The following SI variants were observed in gnomAD, a reference collection of about 807,000 sequenced individuals.
The protein encoded by SI is sucrase-isomaltase.
In SI, 235 loss-of-function variants were observed where a neutral mutation model predicts 253.3. The ratio of observed to expected loss-of-function variants is 0.93; its 90% CI spans 0.83 to 1.03. The LOEUF (loss-of-function observed/expected upper bound fraction) is 1.03. SI is among the 50% of genes least tolerant of loss of function. The pLI is 0.00. For missense variants in SI, 2,442 were observed against 2,211.1 expected, an observed-to-expected ratio of 1.10 and a Z score of -2.09; for synonymous variants, 819 against 712.0, an observed-to-expected ratio of 1.15 and a Z score of -2.39.
chr3:165,039,231 C>G, intron 19 of SI, 97 bp from the exon 20 acceptor site: 2 of 776,918 alleles, frequency 2.6e-6, no homozygotes, highest in Non-Finnish European at 4.4e-6. Flanking sequence ...GGGAAAAAAA[C>G]TTTATGTTGT....
chr3:165,074,673 G>A lies in SI; in HGVS notation c.119-6C>T, dbSNP rs769377667. ...TGAAGTAGAATCACTAATTTCTGGG[G>A]GAGGAAAAAACTCAATAAAATAAAA... On this transcript the variant is annotated splice_polypyrimidine_tract_variant and splice_region_variant and intron_variant, in intron 2 of 47. Coordinates refer to ENST00000264382, the MANE Select transcript of SI (RefSeq NM_001041.4). 6.2e-6 allele frequency: 10 copies of A among 1,605,332 alleles called. No individual in the cohort carries two copies. In the Middle Eastern group the frequency reaches 6.6e-4, roughly 107 times the overall value.
Position 165,049,198 on chromosome 3 carries a change from A to AGCATCCAT in SI, c.1636_1643dup (p.Val549TrpfsTer23). On this transcript the variant is annotated frameshift_variant, in exon 15 of 48. Coordinates refer to ENST00000264382, the MANE Select transcript of SI (RefSeq NM_001041.4). LOFTEE classifies it high-confidence loss of function. ...CATACTGTTTACCCCAGTTCTGCAC[A>AGCATCCAT]GCATCCATGCAAATTGTTTTGGAAT... The AGCATCCAT allele has an allele frequency of 6.2e-7, 1 of 1,612,100 alleles. No homozygotes were observed. The highest frequency in any genetic ancestry group is 1.7e-4 in the Middle Eastern group (1 of 6,054).
chr3:165,043,124 T>G lies in SI; in HGVS notation c.1939A>C (p.Arg647=), dbSNP rs781340245. The change falls in exon 17 of 48, where the codon AGA becomes CGA. Residue 647 remains arginine, a synonymous_variant. Transcript: ENST00000264382. ...FVAETTEELC[R]RWMQLGAFYP... ...AATGCCCCAAGTTGCATCCATCTTC[T>G]GCAAAGTTCTTCTGTGGTTTCAGCC... The G allele has an allele frequency of 1.3e-5, 21 of 1,612,712 alleles. No homozygotes were observed. The East Asian group carries it at 4.7e-4, about 36-fold the overall frequency.
intron 44 of SI, among the ~76,000 whole-genome samples, chr3:164,989,377 A>G (rs867225934): frequency 1.8e-4 from 17 of 96,972 alleles, no homozygotes; most frequent in Admixed American, 4.6e-4. Context: ...AGAAAGGAAG[A>G]AAGAAAGAAA....
chr3:164,998,761 A>C, intron 37 of SI, 88 bp from the exon 38 acceptor site: 1 of 1,139,392 alleles, frequency 8.8e-7, no homozygotes, highest in Non-Finnish European at 1.3e-6. Flanking sequence ...AAAAAAAAAT[A>C]GTGATTTGTG....
intron 25 of SI, among the ~76,000 whole-genome samples, chr3:165,028,469 C>G (rs1189520170): frequency 6.6e-6 from 1 of 151,336 alleles, no homozygotes; most frequent in Admixed American, 6.6e-5. Context: ...CAAAAAAGAC[C>G]ATGCATAGCA....
chr3:165,014,335 G>A (rs1204846249), intron 33 of SI, among the ~76,000 whole-genome samples: 3 of 151,720 alleles, frequency 2.0e-5, no homozygotes, highest in African/African-American at 4.8e-5. Context: ...TGCAAGCTCC[G>A]CCTCCCGGGT....
At chr3:165,036,185 A>G (rs184264067) in intron 22 of SI, among the ~76,000 whole-genome samples, 2 of 151,998 alleles carry the variant, frequency 1.3e-5, no homozygotes, top group Admixed American at 6.6e-5. Context: ...AAAGCACAAA[A>G]CTGGATATTT....
intron 20 of SI, 38 bp downstream of exon 20, chr3:165,039,040 A>G: frequency 7.6e-7 from 1 of 1,315,778 alleles, no homozygotes; most frequent in East Asian, 2.3e-5. Context: ...TTGAAAATAT[A>G]ATACTTGTGA....
intron 47 of SI, among the ~76,000 whole-genome samples, chr3:164,980,122 A>T (rs1289255651): frequency 6.6e-6 from 1 of 151,866 alleles, no homozygotes; most frequent in Non-Finnish European, 1.5e-5. Context: ...TCAAATACGC[A>T]AGAGAAGGGG....
chr3:165,060,031 A>C lies in SI; in HGVS notation c.1021-4T>G. The C allele has an allele frequency of 1.2e-6, 2 of 1,610,558 alleles. No homozygotes were observed. The highest frequency in any genetic ancestry group is 1.7e-6 in the Non-Finnish European group (2 of 1,177,596). On this transcript the variant is annotated splice_region_variant and splice_polypyrimidine_tract_variant and intron_variant, in intron 9 of 47. Coordinates refer to ENST00000264382, the MANE Select transcript of SI (RefSeq NM_001041.4). ...GCATTGCTGGTAGTCCAACAAGCTT[A>C]AAGTAAATGAGCATGTAATTAGTTT...
chr3:165,013,163 C>A (rs757908358), intron 33 of SI, 121 bp from the exon 34 acceptor site: 86 of 751,812 alleles, frequency 1.1e-4, no homozygotes, highest in Non-Finnish European at 1.8e-4. Context: ...TTCAGATCTG[C>A]AATCCCTTCA....
At chr3:165,062,335 G>A (rs889128940) in intron 9 of SI, 36 bp downstream of exon 9, 2 of 1,018,668 alleles carry the variant, frequency 2.0e-6, no homozygotes, top group African/African-American at 3.2e-5. Flanking sequence ...ATAAAAGTAT[G>A]CAGAAAAAAT....
chr3:164,992,581 A>G (rs1402041415), intron 41 of SI, among the ~76,000 whole-genome samples, 184 bp from the exon 42 acceptor site: 7 of 152,002 alleles, frequency 4.6e-5, no homozygotes, highest in Non-Finnish European at 1.0e-4. Context: ...GCAGTATAAT[A>G]CTTTATGAGT....
At chr3:165,071,761 A>G (rs1350019307) in intron 3 of SI, among the ~76,000 whole-genome samples, 1 of 152,140 alleles carries the variant, frequency 6.6e-6, no homozygotes, top group Non-Finnish European at 1.5e-5. Context: ...AAGAGGAAAT[A>G]CTATGTGAGG....
chr3:164,983,077 T>C (rs1489002467), intron 45 of SI, 26 bp from the exon 46 acceptor site: 7 of 1,532,604 alleles, frequency 4.6e-6, no homozygotes, highest in African/African-American at 4.1e-5. Context: ...AAAAATGTGA[T>C]ATATTGTTAT....
the SI span, among the ~76,000 whole-genome samples, chr3:165,090,069 T>G: frequency 6.6e-6 from 1 of 151,874 alleles, no homozygotes; most frequent in Non-Finnish European, 1.5e-5. Context: ...ATTTTAACCT[T>G]GAATGTAATG....
At position 165,074,644 on chromosome 3, in the gene SI, G is replaced by C. The variant is rs1470200056; in HGVS notation, c.142C>G (p.Pro48Ala). 3.1e-6 allele frequency: 5 copies of C among 1,610,182 alleles called. No individual in the cohort carries two copies. Among genetic ancestry groups the C allele is most frequent in the Non-Finnish European group, 4.2e-6 (5 of 1,177,296 alleles). The change falls in exon 3 of 48, where the codon CCA (proline) becomes GCA (alanine). Residue 48 changes from proline to alanine, a missense_variant. By Grantham distance (27) the Pro-to-Ala change is conservative. Transcript: ENST00000264382. ...TTTGTAGTCACACGAGTAGTAGCTG[G>C]AGTTGAAGTAGAATCACTAATTTCT... ...VDEISDSTST[P>A]ATTRVTTNPS... is the part of the protein sequence containing the mutation.
intron 1 of SI, among the ~76,000 whole-genome samples, chr3:165,077,641 C>G (rs1008646084): frequency 5.9e-5 from 9 of 151,458 alleles, no homozygotes; most frequent in African/African-American, 1.9e-4. Context: ...AGCCCAGTTG[C>G]GTGATGTTAT....
Sources: gnomAD v4.1 joint callset for allele counts (sites outside exome capture counted in the v4.1 genomes callset) on GRCh38, gnomAD v4.1.1 for gene constraint, MANE v1.5 for transcripts, NCBI Gene and HGNC (gene_info 2026-07-23, HGNC 2026-07-21) for gene names.